MALRD1: variants seen among roughly 807,000 people sequenced by gnomAD.
The protein encoded by MALRD1 is MAM and LDL-receptor class A domain-containing protein 1.
Under a neutral mutation model 242.1 loss-of-function variants are expected in MALRD1, and 247 were observed. That is an observed-to-expected ratio of 1.02 (90% confidence interval 0.92 to 1.13). MALRD1 has a LOEUF of 1.13. MALRD1 is among the 50% of genes most tolerant of loss of function. MALRD1 has a pLI of 0.00. For missense variants in MALRD1, 2,989 were observed against 2,533.1 expected (o/e 1.18, Z -3.86); for synonymous variants, 995 against 866.6 (o/e 1.15, Z -2.60).
At chr10:19,656,757 A>G (rs996468561) in intron 36 of MALRD1, among the ~76,000 whole-genome samples, 6 of 152,102 alleles carry the variant, frequency 3.9e-5, no homozygotes, top group Non-Finnish European at 8.8e-5. Context: ...CCATTTATTC[A>G]TTAGGGTGTC....
intron 14 of MALRD1, among the ~76,000 whole-genome samples, chr10:19,199,990 G>A (rs1836449834): frequency 6.6e-6 from 1 of 151,946 alleles, no homozygotes; most frequent in Non-Finnish European, 1.5e-5. Flanking sequence ...TTATCCAGTT[G>A]TGGTGGCATG....
intron 5 of MALRD1, among the ~76,000 whole-genome samples, chr10:19,106,050 ATTTG>A (rs1043079004): frequency 6.6e-6 from 1 of 151,614 alleles, no homozygotes; most frequent in South Asian, 2.1e-4. Flanking sequence ...GACTGGTTTT[ATTTG>A]TTTATTTATT....
chr10:19,382,354 G>T lies in MALRD1; in HGVS notation c.4442-5174G>T, dbSNP rs370781680. 2.5e-4 allele frequency among the ~76,000 whole-genome samples: 5 copies of T among 19,712 alleles called. No individual in the cohort carries two copies. The African/African-American group carries it at 3.0e-3, about 12-fold the overall frequency. The allele number at this position is 19,712 out of a possible 152,430, so 12.9% of individuals were successfully genotyped here. ...GATAGATGGAAGCGTGTGTGTGTGT[G>T]TATGTGTGAGTGTGTGTGTGCATGT... On this transcript the variant is annotated intron_variant, in intron 26 of 39. Transcript: ENST00000454679.
At chr10:19,211,223 G>A (rs12250334) in intron 18 of MALRD1, among the ~76,000 whole-genome samples, 37,519 of 151,898 alleles carry the variant, frequency 0.25, 5,540 homozygotes, top group Admixed American at 0.32. Context: ...GAACACTTTC[G>A]TCATGAACCT....
At chr10:19,357,941 G>A (rs1233360922) in intron 26 of MALRD1, among the ~76,000 whole-genome samples, 3 of 151,866 alleles carry the variant, frequency 2.0e-5, no homozygotes, top group African/African-American at 7.3e-5. Context: ...TAGACCCAGG[G>A]CTTTATTAGC....
At chr10:19,315,089 TATGTAAATATAATTTATAG>T (rs1842595328) in intron 21 of MALRD1, among the ~76,000 whole-genome samples, 3 of 141,524 alleles carry the variant, frequency 2.1e-5, no homozygotes, top group South Asian at 2.1e-4. Flanking sequence ...TTTATAGAAA[TATGTAAATATAATTTATAG>T]AAATATGTAA....
intron 28 of MALRD1, among the ~76,000 whole-genome samples, chr10:19,427,341 C>T (rs11009847): frequency 0.095 from 14,525 of 152,110 alleles, 884 homozygotes; most frequent in African/African-American, 0.16. Flanking sequence ...TTTTTATATA[C>T]GTAATAAATT....
intron 26 of MALRD1, among the ~76,000 whole-genome samples, chr10:19,359,970 G>T (rs554141457): frequency 1.3e-5 from 2 of 152,034 alleles, no homozygotes; most frequent in African/African-American, 4.8e-5. Context: ...TAGTTTCACT[G>T]GATTTCATCT....
intron 19 of MALRD1, among the ~76,000 whole-genome samples, chr10:19,259,843 T>G (rs1839669908): frequency 6.6e-6 from 1 of 152,192 alleles, no homozygotes; most frequent in Non-Finnish European, 1.5e-5. Flanking sequence ...ACAGTTTCTT[T>G]CTTATCTGGC....
chr10:19,666,169 T>G (rs1255149174), intron 36 of MALRD1, among the ~76,000 whole-genome samples: 2 of 152,194 alleles, frequency 1.3e-5, no homozygotes, highest in Non-Finnish European at 2.9e-5. Flanking sequence ...TCCTCACATT[T>G]ATTGATTTGT....
chr10:19,654,071 C>T (rs927409595), intron 36 of MALRD1, among the ~76,000 whole-genome samples: 1 of 152,114 alleles, frequency 6.6e-6, no homozygotes, highest in Non-Finnish European at 1.5e-5. Flanking sequence ...GCAGCCATAG[C>T]TATTTAAAGC....
chr10:19,404,904 A>G (rs954284491), intron 28 of MALRD1, among the ~76,000 whole-genome samples: 1 of 152,192 alleles, frequency 6.6e-6, no homozygotes, highest in African/African-American at 2.4e-5. Flanking sequence ...ACGAAATTCT[A>G]TGCACAGAGA....
At chr10:19,440,336 A>G (rs1834566418) in intron 28 of MALRD1, among the ~76,000 whole-genome samples, 1 of 151,976 alleles carries the variant, frequency 6.6e-6, no homozygotes, top group Admixed American at 6.6e-5. Flanking sequence ...TCTATAGCTT[A>G]AAACCCATTC....
chr10:19,476,442 TAAG>T (rs1295862195), intron 29 of MALRD1, among the ~76,000 whole-genome samples: 2 of 152,094 alleles, frequency 1.3e-5, no homozygotes, highest in Admixed American at 6.5e-5. Flanking sequence ...TGTGTCCAGC[TAAG>T]AAGACATGCC....
At chr10:19,048,063 A>G (rs1412669314), upstream of MALRD1, among the ~76,000 whole-genome samples, 2 of 152,178 alleles carry the variant, frequency 1.3e-5, no homozygotes, top group African/African-American at 2.4e-5. Flanking sequence ...ACTTCAATAT[A>G]TTGTTCATTC....
chr10:19,463,257 G>A (rs1204011635), intron 29 of MALRD1, among the ~76,000 whole-genome samples: 2 of 151,764 alleles, frequency 1.3e-5, no homozygotes, highest in Non-Finnish European at 2.9e-5. Flanking sequence ...AGAGATTTTG[G>A]TGCACCCATC....
chr10:19,110,242 T>G (rs988160147), intron 5 of MALRD1, among the ~76,000 whole-genome samples: 2 of 152,176 alleles, frequency 1.3e-5, no homozygotes, highest in African/African-American at 4.8e-5. Flanking sequence ...GTGCTTGGGT[T>G]TTTAACATCC....
intron 10 of MALRD1, among the ~76,000 whole-genome samples, chr10:19,140,162 T>C (rs1312581967): frequency 1.3e-5 from 2 of 152,182 alleles, no homozygotes; most frequent in African/African-American, 4.8e-5. Flanking sequence ...CATACATAGC[T>C]TTCTTTCTTA....
At chr10:19,257,579 T>G in intron 18 of MALRD1, 105 bp from the exon 19 acceptor site, 2 of 875,646 alleles carry the variant, frequency 2.3e-6, no homozygotes, top group Non-Finnish European at 3.4e-6. Context: ...GCACAGAAGG[T>G]TATATTTGGG....
Sources: allele counts gnomAD v4.1 joint callset (sites outside exome capture counted in the v4.1 genomes callset), GRCh38; gene constraint gnomAD v4.1.1; transcripts MANE v1.5; gene names NCBI Gene and HGNC (gene_info 2026-07-23, HGNC 2026-07-21).